Variants in CLMN observed in about 807,000 individuals in gnomAD.
The protein encoded by CLMN is calmin.
A neutral mutation model predicts 92.7 loss-of-function variants in CLMN; 57 were observed. That is an observed-to-expected ratio of 0.61 (90% CI 0.50 to 0.77). CLMN has a LOEUF of 0.77. Ranked by LOEUF, CLMN falls within the 30% of genes least tolerant of loss-of-function variation. The pLI, the probability that CLMN is intolerant of heterozygous loss-of-function variation, is 0.00. For missense variants in CLMN, 1,158 were observed against 1,237.5 expected (o/e 0.94, Z 0.96); for synonymous variants, 466 against 470.6 (o/e 0.99, Z 0.13).
intron 3 of CLMN, chr14:95,222,694 G>A (rs753180762): frequency 1.1e-5 from 5 of 437,680 alleles, no homozygotes; most frequent in East Asian, 7.1e-5. Flanking sequence ...TGCTCATGGC[G>A]AGGCCTCTAA....
intron 1 of CLMN, among the ~76,000 whole-genome samples, chr14:95,255,594 T>C (rs1412462102): frequency 6.6e-6 from 1 of 152,156 alleles, no homozygotes; most frequent in Non-Finnish European, 1.5e-5. Context: ...AAGGAGGCAG[T>C]AGGGTACTTG....
Position 95,215,624 on chromosome 14 carries a change from A to T in CLMN, c.417+17T>A. 1 of 1,605,980 alleles carries T rather than the reference A, an allele frequency of 6.2e-7. No homozygotes were observed. Among genetic ancestry groups the T allele is most frequent in the Non-Finnish European group, 8.5e-7 (1 of 1,172,544 alleles). On this transcript the variant is annotated intron_variant, in intron 5 of 12. Coordinates refer to ENST00000298912, the MANE Select transcript of CLMN (RefSeq NM_024734.4). ...ACAAGATCATGATTGTGTGTTTTGG[A>T]AAAGAAATGATCTTACCTGGAAGAA...
intron 1 of CLMN, among the ~76,000 whole-genome samples, chr14:95,240,189 A>G (rs1898196684): frequency 6.6e-6 from 1 of 152,246 alleles, no homozygotes; most frequent in Admixed American, 6.5e-5. Flanking sequence ...CCTGTTGTGA[A>G]GCGATGTAGG....
intron 1 of CLMN, among the ~76,000 whole-genome samples, chr14:95,239,704 A>G (rs1472549298): frequency 6.6e-6 from 1 of 152,222 alleles, no homozygotes; most frequent in Admixed American, 6.5e-5. Flanking sequence ...TCAGTAAATG[A>G]GAGGCTCTGA....
intron 8 of CLMN, among the ~76,000 whole-genome samples, chr14:95,206,672 C>A (rs748770041): frequency 1.6e-4 from 24 of 152,242 alleles, no homozygotes; most frequent in Middle Eastern, 3.2e-3. Context: ...GACTGTTCTG[C>A]AGTGATGCAG....
chr14:95,318,118 G>A (rs950238692), intron 1 of CLMN, among the ~76,000 whole-genome samples: 5 of 152,182 alleles, frequency 3.3e-5, no homozygotes, highest in African/African-American at 1.2e-4. Context: ...GCTAATCCTA[G>A]AGGAATGCAG....
At chr14:95,308,697 T>C (rs569102943) in intron 1 of CLMN, among the ~76,000 whole-genome samples, 1 of 115,624 alleles carries the variant, frequency 8.6e-6, no homozygotes, top group Non-Finnish European at 1.9e-5. Context: ...CTATAACCAA[T>C]AAAGGCAGTC....
At chr14:95,303,465 G>A (rs993201989) in intron 1 of CLMN, among the ~76,000 whole-genome samples, 8 of 152,350 alleles carry the variant, frequency 5.3e-5, no homozygotes, top group Admixed American at 2.0e-4. Flanking sequence ...GGGCCGGGGA[G>A]GACCTTGGCG....
chr14:95,194,541 C>A lies in CLMN; in HGVS notation c.2764G>T (p.Glu922Ter). 1.4e-5 allele frequency: 23 copies of A among 1,614,154 alleles called. No homozygotes were observed. Among genetic ancestry groups the A allele is most frequent in the Non-Finnish European group, 1.9e-5 (23 of 1,180,024 alleles). ...GAAGAAATTCACATACTAACCGATT[C>A]CGAAGACCTATGAGTATGTCGTCGA... ...YLRRHTHRSSESDHFSYVQLR... is the reference protein window; with the variant it reads ...YLRRHTHRSS Residue 922 changes from glutamate (E) to a stop codon, truncating the protein, a stop_gained, in exon 11 of 13, where the codon GAA (glutamate) becomes TAA (stop). Transcript: ENST00000298912. LOFTEE classifies it high-confidence loss of function. The surrounding 1 kb of genome is among the most constrained non-coding windows in gnomAD (Gnocchi z 4.0).
Position 95,245,183 on chromosome 14 carries a change from TATATATATATAATATA to T in CLMN, c.83-15066_83-15051del, listed in dbSNP as rs1566890608. Reference sequence around the variant, plus strand: ...ACTGTAACTGGTTATATTATATATATATATATATATAATATATATATATATTATATATATATATATA... The same window carrying T: ...ACTGTAACTGGTTATATTATATATATTATATATATTATATATATATATATA... On this transcript the variant is annotated intron_variant, in intron 1 of 12. Transcript: ENST00000298912. 6.2e-4 allele frequency among the ~76,000 whole-genome samples: 26 copies of T among 42,242 alleles called. 1 individual carries two copies. The highest frequency in any genetic ancestry group is 0.022 in the Middle Eastern group (1 of 46). 27.7% of individuals were successfully genotyped at this position (42,242 alleles called of 152,430 possible). A position where few individuals can be genotyped will look rare whatever the true frequency, so the allele number is the denominator to read the frequency against.
intron 8 of CLMN, among the ~76,000 whole-genome samples, chr14:95,206,299 A>G (rs1182598859): frequency 1.3e-5 from 2 of 152,226 alleles, no homozygotes; most frequent in Non-Finnish European, 2.9e-5. Context: ...GGAGAAATAA[A>G]TTCACAATCA....
In CLMN at chr14:95,262,058, C is replaced by T. The variant is rs533274062; in HGVS notation, c.83-31925G>A. 1.0e-3 allele frequency among the ~76,000 whole-genome samples: 152 copies of T among 152,350 alleles called. 1 individual carries two copies. The South Asian group carries it at 0.014, about 14-fold the overall frequency. On this transcript the variant is annotated intron_variant, in intron 1 of 12. Coordinates refer to ENST00000298912, the MANE Select transcript of CLMN (RefSeq NM_024734.4). ...GGCGCTGGGGCTGGGCCAGCGTCCA[C>T]GCCTGTATTCCCAAATGCTCCCAAA...
At chr14:95,226,820 C>T (rs1897726494) in intron 2 of CLMN, among the ~76,000 whole-genome samples, 1 of 152,204 alleles carries the variant, frequency 6.6e-6, no homozygotes, top group Non-Finnish European at 1.5e-5. Context: ...CATGCGATAT[C>T]CTCCTGCCTT....
At chr14:95,226,379 T>C (rs1897712453) in intron 2 of CLMN, among the ~76,000 whole-genome samples, 1 of 152,202 alleles carries the variant, frequency 6.6e-6, no homozygotes, top group South Asian at 2.1e-4. Flanking sequence ...GCAGTTTTTT[T>C]TTTCTGAATA....
At chr14:95,288,560 C>A (rs895671545) in intron 1 of CLMN, among the ~76,000 whole-genome samples, 2 of 152,234 alleles carry the variant, frequency 1.3e-5, no homozygotes, top group Non-Finnish European at 2.9e-5. Flanking sequence ...TATGCTTAAA[C>A]ACCTCACAAA....
At chr14:95,268,786 C>G (rs1899583184) in intron 1 of CLMN, among the ~76,000 whole-genome samples, 1 of 128,440 alleles carries the variant, frequency 7.8e-6, no homozygotes, top group African/African-American at 3.2e-5. Context: ...ACCTCTCTCT[C>G]TCTCTCTCTT....
chr14:95,250,865 A>G (rs369418693), intron 1 of CLMN, among the ~76,000 whole-genome samples: 1 of 152,198 alleles, frequency 6.6e-6, no homozygotes, highest in Non-Finnish European at 1.5e-5. Context: ...GGACTGGCCC[A>G]AAGCCTCAAG....
At chr14:95,251,840 TC>T (rs1162053602) in intron 1 of CLMN, among the ~76,000 whole-genome samples, 2 of 152,164 alleles carry the variant, frequency 1.3e-5, no homozygotes, top group African/African-American at 4.8e-5. Context: ...TGAGACACAT[TC>T]CCTTCCTTTT....
At chr14:95,258,386 T>C (rs895609324) in intron 1 of CLMN, among the ~76,000 whole-genome samples, 1 of 149,902 alleles carries the variant, frequency 6.7e-6, no homozygotes, top group Non-Finnish European at 1.5e-5. Context: ...TATGTGTATG[T>C]GTGGTGTGTG....
Sources: gnomAD v4.1 joint callset for allele counts (sites outside exome capture counted in the v4.1 genomes callset) on GRCh38, gnomAD v4.1.1 for gene constraint, Gnocchi (gnomAD v3.1) non-coding constraint, MANE v1.5 for transcripts, NCBI Gene and HGNC (gene_info 2026-07-23, HGNC 2026-07-21) for gene names.